Variants in CPSF2 observed in about 807,000 individuals in gnomAD.
The protein encoded by CPSF2 is cleavage and polyadenylation specific factor 2, also known as cleavage and polyadenylation specificity factor subunit 2.
Under a neutral mutation model 84.2 loss-of-function variants are expected in CPSF2, and 51 were observed. The ratio of observed to expected loss-of-function variants is 0.61; its 90% CI spans 0.48 to 0.77. The LOEUF is 0.77. Ranked by LOEUF, CPSF2 falls within the 30% of genes least tolerant of loss-of-function variation. The pLI is 0.00. For synonymous variants in CPSF2, 286 were observed against 311.9 expected (o/e 0.92, Z 0.87); for missense variants, 641 against 929.4 (o/e 0.69, Z 4.03).
intron 9 of CPSF2, 199 bp from the exon 10 acceptor site, chr14:92,154,159 A>T (rs546373886): frequency 3.8e-5 from 16 of 425,114 alleles, no homozygotes; most frequent in African/African-American, 2.4e-4. Context: ...ATTCTAGATG[A>T]TGTGTGACAG....
chr14:92,150,546 G>T (rs1306160643), intron 9 of CPSF2, among the ~76,000 whole-genome samples: 1 of 151,986 alleles, frequency 6.6e-6, no homozygotes, highest in East Asian at 1.9e-4. Flanking sequence ...TCCTGCCTCA[G>T]CCTTCCTACC....
chr14:92,143,501 G>C (rs1362989315), intron 9 of CPSF2, among the ~76,000 whole-genome samples: 1 of 152,124 alleles, frequency 6.6e-6, no homozygotes, highest in African/African-American at 2.4e-5. Context: ...CCAGGAATTT[G>C]AGGTCAGCCT....
intron 14 of CPSF2, among the ~76,000 whole-genome samples, chr14:92,159,504 C>T (rs1277301290): frequency 6.6e-6 from 1 of 152,088 alleles, no homozygotes; most frequent in Non-Finnish European, 1.5e-5. Flanking sequence ...GCCAGGAGCT[C>T]TACATCAGCC....
chr14:92,129,389 A>G (rs1001239836), intron 2 of CPSF2, among the ~76,000 whole-genome samples: 22 of 152,212 alleles, frequency 1.4e-4, no homozygotes, highest in African/African-American at 5.3e-4. Context: ...TTGATAACCT[A>G]GCAGTCTTGT....
rs567842905 is a variant in CPSF2 at position 92,158,668 on chromosome 14, A to T, written c.1822-315A>T. Among the ~76,000 whole-genome samples, 173 of 152,252 alleles carry T rather than the reference A, an allele frequency of 1.1e-3. 2 individuals carry two copies. Among genetic ancestry groups the T allele is most frequent in the African/African-American group, 4.0e-3 (166 of 41,554 alleles). ...GGGGAGCTTCGTGAGGGTCAGAGGG[A>T]CTCAGTTTTTCTGGTCTTAATCTTA... On this transcript the variant is annotated intron_variant, in intron 13 of 15. Coordinates refer to ENST00000298875, the MANE Select transcript of CPSF2 (RefSeq NM_017437.3).
chr14:92,153,642 GACTCAAGTGATACTC>G (rs2069249484), intron 9 of CPSF2, among the ~76,000 whole-genome samples: 1 of 151,104 alleles, frequency 6.6e-6, no homozygotes, highest in East Asian at 1.9e-4. Context: ...CTCAGTCTCA[GACTCAAGTGATACTC>G]AGTCTCTGAG....
rs772454074 is a variant in CPSF2 at position 92,166,554 on chromosome 14, GCCCAAGCTGGTCATCTCAAACTT to G, written c.*4813_*4835del. The G allele has an allele frequency of 3.9e-5, 6 of 151,950 alleles. No homozygotes were observed. The highest frequency in any genetic ancestry group is 7.4e-5 in the Non-Finnish European group (5 of 67,994). 9.4% of individuals were successfully genotyped at this position (151,950 alleles called of 1,614,324 possible). A position where few individuals can be genotyped will look rare whatever the true frequency, so the allele number is the denominator to read the frequency against. On this transcript the variant is annotated 3_prime_UTR_variant, in exon 16 of 16. Coordinates refer to ENST00000298875, the MANE Select transcript of CPSF2 (RefSeq NM_017437.3). ...TGTGAAGACAGTTTCTCACTCTGTT[GCCCAAGCTGGTCATCTCAAACTT>G]CCAGACTCAAACAATACTCCCACTT... is the stretch of plus-strand genomic sequence containing the variant.
At position 92,143,263 on chromosome 14, in the gene CPSF2, A is replaced by G; in HGVS notation, c.1109A>G (p.Asp370Gly). ...GGGACTTTAGCACGTTTCCTAATTG[A>G]TAATCCTTCTGAAAAAATTACAGAA... ...TPGTLARFLI[D>G]NPSEKITEIE... is the part of the protein sequence containing the mutation. Residue 370 changes from aspartate (D) to glycine (G), a missense_variant, in exon 9 of 16, where the codon GAT (aspartate) becomes GGT (glycine). Coordinates refer to ENST00000298875, the MANE Select transcript of CPSF2 (RefSeq NM_017437.3). 8 of 1,609,054 alleles carry G rather than the reference A, an allele frequency of 5.0e-6. No homozygotes were observed. The highest frequency in any genetic ancestry group is 5.9e-6 in the Non-Finnish European group (7 of 1,177,720).
At position 92,161,155 on chromosome 14, in the gene CPSF2, C is replaced by T; in HGVS notation, c.2165C>T (p.Ser722Leu). The T allele has an allele frequency of 6.2e-7, 1 of 1,613,922 alleles. No individual in the cohort carries two copies. Among genetic ancestry groups the T allele is most frequent in the Non-Finnish European group, 8.5e-7 (1 of 1,179,888 alleles). Reference sequence around the variant, plus strand: ...GTTTTTATGAATGAACCAAGGCTGTCAGACTTCAAGCAAGTTCTCTTACGG... The same window carrying T: ...GTTTTTATGAATGAACCAAGGCTGTTAGACTTCAAGCAAGTTCTCTTACGG... ...QSVFMNEPRL[S>L]DFKQVLLREG... Residue 722 changes from serine (S) to leucine (L), a missense_variant, in exon 15 of 16, where the codon TCA becomes TTA. By Grantham distance (145) the Ser-to-Leu change is moderately radical. This residue lies in a region of CPSF2 where 430 missense variants were observed against 553.6 expected (regional missense o/e 0.78). Coordinates refer to ENST00000298875, the MANE Select transcript of CPSF2 (RefSeq NM_017437.3).
intron 1 of CPSF2, among the ~76,000 whole-genome samples, chr14:92,124,213 A>C (rs1490633039): frequency 6.6e-6 from 1 of 152,196 alleles, no homozygotes; most frequent in Non-Finnish European, 1.5e-5. Flanking sequence ...TAGGGAGTTT[A>C]GATTTTTTTC....
At chr14:92,159,369 A>G (rs2069338431) in intron 14 of CPSF2, 87 bp downstream of exon 14, 2 of 1,033,796 alleles carry the variant, frequency 1.9e-6, no homozygotes, top group African/African-American at 1.6e-5. Flanking sequence ...CCCCCCTTCT[A>G]AAACTAAGTG....
intron 6 of CPSF2, among the ~76,000 whole-genome samples, 170 bp downstream of exon 6, chr14:92,135,666 A>G (rs1334874528): frequency 3.9e-5 from 6 of 152,258 alleles, no homozygotes; most frequent in Non-Finnish European, 8.8e-5. Context: ...TAAGGGGGAA[A>G]GTATGGTATA....
At chr14:92,125,171 GA>G (rs1242763160) in intron 1 of CPSF2, among the ~76,000 whole-genome samples, 3 of 152,150 alleles carry the variant, frequency 2.0e-5, no homozygotes, top group Admixed American at 1.3e-4. Flanking sequence ...GGAAATACTG[GA>G]GGCAGAGAAA....
At chr14:92,152,309 A>T (rs1567024274) in intron 9 of CPSF2, among the ~76,000 whole-genome samples, 1 of 150,894 alleles carries the variant, frequency 6.6e-6, no homozygotes, top group African/African-American at 2.4e-5. Context: ...TTGTATTTTT[A>T]GTAGAGATGG....
chr14:92,160,757 A>C (rs530652557), intron 14 of CPSF2, among the ~76,000 whole-genome samples: 1 of 152,342 alleles, frequency 6.6e-6, no homozygotes, highest in African/African-American at 2.4e-5. Flanking sequence ...ACTGGGATCT[A>C]GAAAATGAAT....
intron 2 of CPSF2, 71 bp from the exon 3 acceptor site, chr14:92,130,880 T>A: frequency 1.1e-6 from 1 of 935,622 alleles, no homozygotes. Flanking sequence ...GAAATAATTT[T>A]AATCAATTTG....
intron 14 of CPSF2, 41 bp downstream of exon 14, chr14:92,159,323 G>A: frequency 6.7e-7 from 1 of 1,495,178 alleles, no homozygotes. Flanking sequence ...TCCTGAATTT[G>A]TCATCCTTCT....
chr14:92,122,742 T>A (rs189697622), intron 1 of CPSF2, among the ~76,000 whole-genome samples: 1 of 152,230 alleles, frequency 6.6e-6, no homozygotes, highest in South Asian at 2.1e-4. Context: ...AGAGGTCAGA[T>A]TGAACCCCGG....
intron 9 of CPSF2, among the ~76,000 whole-genome samples, chr14:92,148,799 A>G (rs892506736): frequency 1.3e-5 from 2 of 150,248 alleles, no homozygotes; most frequent in Non-Finnish European, 3.0e-5. Flanking sequence ...AAAGAAATGT[A>G]TATATATATA....
Sources: allele counts gnomAD v4.1 joint callset (sites outside exome capture counted in the v4.1 genomes callset), GRCh38; gene constraint gnomAD v4.1.1; regional missense constraint gnomAD v4.1.1; transcripts MANE v1.5; gene names NCBI Gene and HGNC (gene_info 2026-07-23, HGNC 2026-07-21).